UNC13C: variants seen among roughly 807,000 people sequenced by gnomAD.
UNC13C encodes the protein unc-13 homolog C.
Under a neutral mutation model 245.4 loss-of-function variants are expected in UNC13C, and 174 were observed. That is an observed-to-expected ratio of 0.71 (90% CI 0.63 to 0.80). The LOEUF is 0.80. Among genes scored for constraint, UNC13C ranks in the 30% least tolerant of loss-of-function variants. The pLI, the probability that UNC13C is intolerant of heterozygous loss-of-function variation, is 0.00. For synonymous variants in UNC13C, 992 were observed against 895.1 expected (o/e 1.11, Z -1.93); for missense variants, 2,829 against 2,602.9 (o/e 1.09, Z -1.89).
intron 17 of UNC13C, among the ~76,000 whole-genome samples, chr15:54,380,488 C>G (rs184432849): frequency 6.6e-6 from 1 of 152,158 alleles, no homozygotes; most frequent in East Asian, 1.9e-4. Flanking sequence ...GATATATATA[C>G]AGTGGTCAGC....
intron 1 of UNC13C, among the ~76,000 whole-genome samples, chr15:53,989,585 T>C (rs1356812017): frequency 6.6e-6 from 1 of 151,990 alleles, no homozygotes; most frequent in Non-Finnish European, 1.5e-5. Flanking sequence ...ACATGTTTTC[T>C]TTTTTTATTC....
chr15:54,026,647 C>T (rs1228198040), intron 2 of UNC13C, among the ~76,000 whole-genome samples: 1 of 152,096 alleles, frequency 6.6e-6, no homozygotes, highest in Non-Finnish European at 1.5e-5. Context: ...ATATATCATC[C>T]CAAGTACTCC....
chr15:54,248,529 T>C (rs1326280117), intron 7 of UNC13C, among the ~76,000 whole-genome samples: 1 of 151,680 alleles, frequency 6.6e-6, no homozygotes, highest in Non-Finnish European at 1.5e-5. Flanking sequence ...TTATAAGACA[T>C]CTTTATTATG....
chr15:54,333,793 A>G lies in UNC13C; in HGVS notation c.4521A>G (p.Glu1507=). The G allele has an allele frequency of 6.2e-7, 1 of 1,606,196 alleles. No homozygotes were observed. Among genetic ancestry groups the G allele is most frequent in the Non-Finnish European group, 8.5e-7 (1 of 1,175,812 alleles). Residue 1507 remains glutamate, a synonymous_variant, in exon 16 of 33, where the codon GAA becomes GAG. Transcript: ENST00000260323. ...YRENFPASNT[E]RLQDLKSTVD... ...AAAACTTTCCTGCAAGCAATACTGA[A>G]AGACTGCAAGACCTGAAATCAACTG...
chr15:54,207,130 G>GTGA (rs11458939), intron 4 of UNC13C, among the ~76,000 whole-genome samples: 27,948 of 150,542 alleles, frequency 0.19, 3,118 homozygotes, highest in Middle Eastern at 0.29. Context: ...GATGATGATG[G>GTGA]TGATGATGAT....
At chr15:53,999,878 AATGTCTTTTATT>A (rs1894806093) in intron 1 of UNC13C, among the ~76,000 whole-genome samples, 1 of 151,840 alleles carries the variant, frequency 6.6e-6, no homozygotes, top group Non-Finnish European at 1.5e-5. Flanking sequence ...TTGTTTTTTA[AATGTCTTTTATT>A]ATGGTCACGA....
chr15:54,616,343 C>A (rs1900428377), intron 30 of UNC13C, among the ~76,000 whole-genome samples: 1 of 152,014 alleles, frequency 6.6e-6, no homozygotes, highest in Admixed American at 6.6e-5. Context: ...CAGTGATACA[C>A]TGCATTTCAA....
intron 20 of UNC13C, among the ~76,000 whole-genome samples, chr15:54,499,154 A>G (rs1221757444): frequency 6.6e-6 from 1 of 152,114 alleles, no homozygotes; most frequent in East Asian, 1.9e-4. Context: ...GCTTTCAATC[A>G]TGGCAAAAGG....
intron 2 of UNC13C, among the ~76,000 whole-genome samples, chr15:54,131,971 A>G (rs1400441123): frequency 6.6e-6 from 1 of 152,128 alleles, no homozygotes; most frequent in Non-Finnish European, 1.5e-5. Flanking sequence ...TCCATGGCTG[A>G]AGAGTTAGAG....
At chr15:54,112,695 A>C (rs1385244683) in intron 2 of UNC13C, among the ~76,000 whole-genome samples, 1 of 152,160 alleles carries the variant, frequency 6.6e-6, no homozygotes, top group African/African-American at 2.4e-5. Flanking sequence ...AAAAGAAATA[A>C]TTTTGGTGCT....
the UNC13C span, among the ~76,000 whole-genome samples, chr15:53,901,015 T>C: frequency 6.6e-6 from 1 of 152,054 alleles, no homozygotes; most frequent in African/African-American, 2.4e-5. Context: ...AACATACATC[T>C]CTAAAAATGT....
intron 7 of UNC13C, among the ~76,000 whole-genome samples, chr15:54,242,073 T>G (rs1370741208): frequency 6.6e-6 from 1 of 152,232 alleles, no homozygotes; most frequent in African/African-American, 2.4e-5. Flanking sequence ...TTATATCATA[T>G]TTTTGCATCT....
intron 2 of UNC13C, among the ~76,000 whole-genome samples, chr15:54,084,398 G>A (rs1328389901): frequency 6.6e-6 from 1 of 152,182 alleles, no homozygotes. Flanking sequence ...AGAAATAATG[G>A]TCGTGAAGAC....
chr15:54,470,219 T>C (rs1038303654), intron 19 of UNC13C, among the ~76,000 whole-genome samples: 1 of 151,628 alleles, frequency 6.6e-6, no homozygotes, highest in African/African-American at 2.4e-5. Flanking sequence ...TGAAAATAAA[T>C]GTATCTGTCT....
chr15:54,426,701 T>G (rs1023323593), intron 19 of UNC13C, among the ~76,000 whole-genome samples: 2 of 151,750 alleles, frequency 1.3e-5, no homozygotes, highest in African/African-American at 2.4e-5. Flanking sequence ...TGTTGTTTAG[T>G]CTCAAAGACA....
chr15:54,213,418 G>C (rs930702999), intron 4 of UNC13C, among the ~76,000 whole-genome samples: 6 of 152,094 alleles, frequency 3.9e-5, no homozygotes, highest in Admixed American at 3.9e-4. Context: ...TGTGCAGACA[G>C]CTTTAGCACA....
chr15:53,891,126 T>C, the UNC13C span, among the ~76,000 whole-genome samples: 2 of 152,316 alleles, frequency 1.3e-5, no homozygotes, highest in South Asian at 2.1e-4. Context: ...TATTTACCAG[T>C]AGTCATTTAG....
the UNC13C span, among the ~76,000 whole-genome samples, chr15:53,889,577 T>C: frequency 2.0e-5 from 3 of 152,350 alleles, no homozygotes; most frequent in South Asian, 6.2e-4. Context: ...TGGCCAGAAC[T>C]TCCAATACTA....
intron 8 of UNC13C, among the ~76,000 whole-genome samples, chr15:54,258,649 GT>G (rs1337138348): frequency 2.0e-5 from 3 of 152,092 alleles, no homozygotes; most frequent in African/African-American, 7.2e-5. Context: ...GATTACAGAT[GT>G]GAGCCACCAC....
Sources: gnomAD v4.1 joint callset for allele counts (sites outside exome capture counted in the v4.1 genomes callset) on GRCh38, gnomAD v4.1.1 for gene constraint, MANE v1.5 for transcripts, NCBI Gene and HGNC (gene_info 2026-07-23, HGNC 2026-07-21) for gene names.